The following CPEB3 variants were observed in gnomAD, a reference collection of about 807,000 sequenced individuals.
CPEB3 encodes the protein cytoplasmic polyadenylation element-binding protein 3.
A neutral mutation model predicts 67.2 loss-of-function variants in CPEB3; 20 were observed. That is an observed-to-expected ratio of 0.30 (90% CI 0.21 to 0.43). The LOEUF is 0.43. Ranked by LOEUF, CPEB3 falls within the 20% of genes least tolerant of loss-of-function variation. The pLI, the probability that CPEB3 is intolerant of heterozygous loss-of-function variation, is 1.00. For synonymous variants in CPEB3, 376 were observed against 393.1 expected (o/e 0.96, Z 0.51); for missense variants, 746 against 968.6 (o/e 0.77, Z 3.05).
At chr10:92,055,519 AT>A (rs760817310) in intron 9 of CPEB3, among the ~76,000 whole-genome samples, 10 of 152,190 alleles carry the variant, frequency 6.6e-5, no homozygotes, top group Non-Finnish European at 1.5e-4. Flanking sequence ...CATTACGAAC[AT>A]TCTTCATAAG....
At chr10:92,064,840 T>C (rs1406806903) in intron 9 of CPEB3, among the ~76,000 whole-genome samples, 1 of 152,196 alleles carries the variant, frequency 6.6e-6, no homozygotes, top group African/African-American at 2.4e-5. Context: ...GTGAGCTCAA[T>C]ATACCGTGTG....
chr10:92,221,810 C>T (rs947494736), intron 2 of CPEB3, among the ~76,000 whole-genome samples: 1 of 151,998 alleles, frequency 6.6e-6, no homozygotes, highest in Non-Finnish European at 1.5e-5. Flanking sequence ...CAATGAGACC[C>T]CATCTCTTAA....
intron 1 of CPEB3, among the ~76,000 whole-genome samples, chr10:92,255,507 A>G (rs1482087999): frequency 6.6e-6 from 1 of 152,210 alleles, no homozygotes; most frequent in Non-Finnish European, 1.5e-5. Context: ...ATTCCAGGCT[A>G]GAAGCTAAAA....
At chr10:92,278,846 GC>G (rs953142022) in intron 1 of CPEB3, among the ~76,000 whole-genome samples, 14 of 152,016 alleles carry the variant, frequency 9.2e-5, no homozygotes, top group African/African-American at 3.4e-4. Context: ...TGATCTGCCT[GC>G]CTCGGCCTCC....
chr10:92,060,602 G>A (rs1386664960), intron 9 of CPEB3, among the ~76,000 whole-genome samples: 4 of 152,130 alleles, frequency 2.6e-5, no homozygotes, highest in Non-Finnish European at 1.5e-5. Context: ...GAAAATATTT[G>A]CAAACTACCC....
intron 6 of CPEB3, chr10:92,137,276 C>T: frequency 3.2e-6 from 2 of 627,654 alleles, no homozygotes; most frequent in Non-Finnish European, 5.7e-6. Context: ...AACGTGCATG[C>T]TGAGGTGCAG....
At chr10:92,257,933 T>G (rs760933732) in intron 1 of CPEB3, among the ~76,000 whole-genome samples, 1 of 151,992 alleles carries the variant, frequency 6.6e-6, no homozygotes, top group Non-Finnish European at 1.5e-5. Flanking sequence ...TTTCGCCATG[T>G]TGGCCAGGCT....
At chr10:92,171,620 C>T (rs1189711181) in intron 4 of CPEB3, among the ~76,000 whole-genome samples, 1 of 151,984 alleles carries the variant, frequency 6.6e-6, no homozygotes, top group Non-Finnish European at 1.5e-5. Context: ...GGTATGTACT[C>T]CTTTTTTTTC....
chr10:92,169,290 C>A (rs1847896460), intron 4 of CPEB3, among the ~76,000 whole-genome samples: 2 of 152,062 alleles, frequency 1.3e-5, no homozygotes, highest in African/African-American at 4.8e-5. Context: ...AGATGCCTGC[C>A]ACCATGCCCA....
intron 1 of CPEB3, among the ~76,000 whole-genome samples, chr10:92,243,474 A>G (rs1851934261): frequency 6.6e-6 from 1 of 152,182 alleles, no homozygotes; most frequent in Non-Finnish European, 1.5e-5. Context: ...AATAAAAGGG[A>G]AAAAAATAAA....
intron 4 of CPEB3, among the ~76,000 whole-genome samples, chr10:92,166,461 A>T (rs930591754): frequency 1.3e-5 from 2 of 152,182 alleles, no homozygotes; most frequent in African/African-American, 4.8e-5. Flanking sequence ...TTATACCTTG[A>T]TCCATGGGCT....
intron 4 of CPEB3, among the ~76,000 whole-genome samples, chr10:92,154,674 A>G (rs113083948): frequency 1.3e-5 from 2 of 152,292 alleles, no homozygotes; most frequent in African/African-American, 4.8e-5. Context: ...ACACTCAGAG[A>G]TATGTACTCC....
intron 2 of CPEB3, among the ~76,000 whole-genome samples, chr10:92,192,964 C>G (rs1248460984): frequency 6.6e-6 from 1 of 152,152 alleles, no homozygotes; most frequent in Non-Finnish European, 1.5e-5. Context: ...GTAATCCCAG[C>G]ACTTTGAGAG....
At chr10:92,142,148 A>G (rs1242413463) in intron 6 of CPEB3, among the ~76,000 whole-genome samples, 1 of 152,096 alleles carries the variant, frequency 6.6e-6, no homozygotes, top group Non-Finnish European at 1.5e-5. Context: ...GAAACCTAAC[A>G]AACCGGACAT....
intron 9 of CPEB3, among the ~76,000 whole-genome samples, chr10:92,053,399 C>G (rs1320028841): frequency 6.6e-6 from 1 of 152,010 alleles, no homozygotes; most frequent in Non-Finnish European, 1.5e-5. Context: ...GAGTCTCACT[C>G]TGTCGCCAGG....
intron 2 of CPEB3, chr10:92,216,325 C>T (rs1850388366): frequency 1.9e-6 from 3 of 1,589,222 alleles, no homozygotes; most frequent in Middle Eastern, 1.7e-4. Context: ...TTTCAGCGGC[C>T]GCTGCGATGA....
chr10:92,065,925 C>T (rs539125942), intron 9 of CPEB3, among the ~76,000 whole-genome samples: 13 of 151,922 alleles, frequency 8.6e-5, no homozygotes, highest in Non-Finnish European at 1.0e-4. Flanking sequence ...GAGACCCCCC[C>T]TCTCTATCAA....
chr10:92,159,126 G>A (rs975587471), intron 4 of CPEB3, among the ~76,000 whole-genome samples: 2 of 151,544 alleles, frequency 1.3e-5, no homozygotes, highest in African/African-American at 4.9e-5. Flanking sequence ...GGCCGGGCGC[G>A]GTGGCTCACA....
intron 4 of CPEB3, among the ~76,000 whole-genome samples, chr10:92,171,585 A>G (rs1848003725): frequency 6.6e-6 from 1 of 152,140 alleles, no homozygotes. Context: ...TAGAATAGGG[A>G]AGAAACAAAG....
Sources: gnomAD v4.1 joint callset for allele counts (sites outside exome capture counted in the v4.1 genomes callset) on GRCh38, gnomAD v4.1.1 for gene constraint, MANE v1.5 for transcripts, NCBI Gene and HGNC (gene_info 2026-07-23, HGNC 2026-07-21) for gene names.